PRKG1: variants seen among roughly 807,000 people sequenced by gnomAD.
The protein encoded by PRKG1 is protein kinase cGMP-dependent 1, also known as cGMP-dependent protein kinase 1.
PRKG1 carries 35 observed loss-of-function variants against 88.1 expected under a neutral mutation model. That is an observed-to-expected ratio of 0.40 (90% confidence interval 0.30 to 0.53). The LOEUF is 0.53. Among genes scored for constraint, PRKG1 ranks in the 20% least tolerant of loss-of-function variants. The probability of loss-of-function intolerance (pLI) is 0.59; values close to 1 mark genes in which losing one functional copy is unlikely to be tolerated. For missense variants in PRKG1, 540 were observed against 839.8 expected (o/e 0.64, Z 4.41); for synonymous variants, 303 against 292.5 (o/e 1.04, Z -0.37).
At chr10:51,031,882 A>G in intron 1 of PRKG1, among the ~76,000 whole-genome samples, 1 of 152,220 alleles carries the variant, frequency 6.6e-6, no homozygotes, top group East Asian at 1.9e-4. Context: ...TTGAACTAAG[A>G]AATGAACCTG....
At chr10:52,073,695 G>A (rs1045971547) in intron 7 of PRKG1, among the ~76,000 whole-genome samples, 3 of 152,170 alleles carry the variant, frequency 2.0e-5, no homozygotes, top group African/African-American at 7.2e-5. Flanking sequence ...AAGCTGACCT[G>A]TTGCTCTGAA....
intron 3 of PRKG1, among the ~76,000 whole-genome samples, chr10:51,508,980 T>G (rs1841312015): frequency 6.6e-6 from 1 of 152,198 alleles, no homozygotes; most frequent in Admixed American, 6.5e-5. Context: ...CATTTCAGAT[T>G]TCAAATGACT....
intron 4 of PRKG1, among the ~76,000 whole-genome samples, chr10:51,851,709 A>C (rs1292033938): frequency 1.3e-5 from 2 of 152,234 alleles, no homozygotes; most frequent in African/African-American, 4.8e-5. Flanking sequence ...AGGTATGCTT[A>C]AAATGCTTTG....
rs141632283 is a variant in PRKG1 at position 51,324,381 on chromosome 10, T to C, written c.479-143342T>C. Among the ~76,000 whole-genome samples, 30 of 152,200 alleles carry C rather than the reference T, an allele frequency of 2.0e-4. No homozygotes were observed. In the East Asian group the frequency reaches 5.2e-3, roughly 26 times the overall value. ...CTTTCTGTGCTGTGCTTATTTCACT[T>C]AACACAGTGACCTCCAGTTCCATCT... On this transcript the variant is annotated intron_variant, in intron 2 of 17. Transcript: ENST00000373980.
At chr10:51,026,037 T>C (rs374883246) in intron 1 of PRKG1, among the ~76,000 whole-genome samples, 12 of 151,996 alleles carry the variant, frequency 7.9e-5, no homozygotes, top group Non-Finnish European at 1.6e-4. Context: ...CCAGAAAATA[T>C]GCCATGTGAA....
At chr10:52,110,125 G>T (rs987159096) in intron 7 of PRKG1, among the ~76,000 whole-genome samples, 1 of 151,890 alleles carries the variant, frequency 6.6e-6, no homozygotes, top group Admixed American at 6.5e-5. Flanking sequence ...GAGGCGGGCG[G>T]ATCACGAGGT....
rs143016712 is a variant in PRKG1, at chr10:51,642,897, C to T, written c.593-161688C>T. The stretch of plus-strand genomic sequence containing the variant: ...AATTAGTTATCTTCAATCCAAATTG[C>T]ATTTTGAGCTCTCTGAAATCACAAG... On this transcript the variant is annotated intron_variant, in intron 3 of 17. Coordinates refer to ENST00000373980, the MANE Select transcript of PRKG1 (RefSeq NM_006258.4). 2.6e-4 allele frequency among the ~76,000 whole-genome samples: 40 copies of T among 152,236 alleles called. 2 individuals carry two copies. In the East Asian group the frequency reaches 7.5e-3, roughly 29 times the overall value.
chr10:51,503,015 T>C (rs1481162090), intron 3 of PRKG1, among the ~76,000 whole-genome samples: 1 of 152,158 alleles, frequency 6.6e-6, no homozygotes, highest in Non-Finnish European at 1.5e-5. Context: ...ACATTTCACT[T>C]CATTTTTAAA....
intron 2 of PRKG1, among the ~76,000 whole-genome samples, chr10:51,371,365 A>G (rs1250075123): frequency 6.6e-6 from 1 of 151,866 alleles, no homozygotes; most frequent in African/African-American, 2.4e-5. Context: ...TTAGAGACCC[A>G]TCTCTTTAAA....
chr10:51,753,865 G>T (rs962762039), intron 3 of PRKG1, among the ~76,000 whole-genome samples: 1 of 152,032 alleles, frequency 6.6e-6, no homozygotes, highest in African/African-American at 2.4e-5. Context: ...GCATGATAAG[G>T]TCTCTTTTTC....
intron 9 of PRKG1, among the ~76,000 whole-genome samples, chr10:52,228,102 C>G (rs779551023): frequency 6.6e-6 from 1 of 151,922 alleles, no homozygotes; most frequent in Non-Finnish European, 1.5e-5. Context: ...ATTTGAAGGT[C>G]GAGTGTGGGT....
chr10:51,741,054 T>C (rs1837420857), intron 3 of PRKG1, among the ~76,000 whole-genome samples: 1 of 152,058 alleles, frequency 6.6e-6, no homozygotes, highest in South Asian at 2.1e-4. Context: ...CATACAATGC[T>C]AAGTTTCTGA....
intron 3 of PRKG1, among the ~76,000 whole-genome samples, chr10:51,613,442 T>C (rs1838964601): frequency 6.6e-6 from 1 of 151,922 alleles, no homozygotes. Context: ...TTTATCAATT[T>C]TGTTTATCTT....
At chr10:51,567,825 G>A (rs1837646889) in intron 3 of PRKG1, among the ~76,000 whole-genome samples, 3 of 152,166 alleles carry the variant, frequency 2.0e-5, no homozygotes, top group Middle Eastern at 3.4e-3. Flanking sequence ...GACCTCAGGT[G>A]ATCTGCCCAC....
At chr10:50,995,009 G>A (rs1470562421) in intron 1 of PRKG1, among the ~76,000 whole-genome samples, 1 of 152,166 alleles carries the variant, frequency 6.6e-6, no homozygotes, top group Non-Finnish European at 1.5e-5. Flanking sequence ...TAAAGGACTT[G>A]AGTATCTGTG....
intron 5 of PRKG1, among the ~76,000 whole-genome samples, chr10:51,927,755 T>C (rs966208348): frequency 6.6e-6 from 1 of 152,166 alleles, no homozygotes; most frequent in South Asian, 2.1e-4. Context: ...AAGTTGACAC[T>C]TCCCTCTCTC....
intron 2 of PRKG1, among the ~76,000 whole-genome samples, chr10:51,170,705 A>G (rs1212838332): frequency 7.7e-6 from 1 of 130,280 alleles, no homozygotes; most frequent in Non-Finnish European, 1.6e-5. Flanking sequence ...TATGATTGGC[A>G]TGTTCAACAA....
chr10:51,834,978 C>T lies in PRKG1; in HGVS notation c.698+30288C>T, dbSNP rs559047745. ...AGACATATTGTCTGTACATAGGAGGCATTCACTTCCCCTCAATGTAGACTA... is the reference window on the plus strand; with the variant it reads ...AGACATATTGTCTGTACATAGGAGGTATTCACTTCCCCTCAATGTAGACTA... On this transcript the variant is annotated intron_variant, in intron 4 of 17. Transcript: ENST00000373980. Among the ~76,000 whole-genome samples, 2 of 152,048 alleles carry T rather than the reference C, an allele frequency of 1.3e-5. 1 individual carries two copies. The highest frequency in any genetic ancestry group is 2.9e-5 in the Non-Finnish European group (2 of 67,996).
chr10:51,920,424 C>T (rs1335415585), intron 5 of PRKG1, among the ~76,000 whole-genome samples: 12 of 152,112 alleles, frequency 7.9e-5, no homozygotes, highest in Admixed American at 6.6e-5. Flanking sequence ...GCCATCTTGC[C>T]GATTTCCCAG....
Sources: gnomAD v4.1 joint callset for allele counts (sites outside exome capture counted in the v4.1 genomes callset) on GRCh38, gnomAD v4.1.1 for gene constraint, MANE v1.5 for transcripts, NCBI Gene and HGNC (gene_info 2026-07-23, HGNC 2026-07-21) for gene names.